Variants in PRICKLE2 observed in about 807,000 individuals in gnomAD.
PRICKLE2 encodes prickle-like protein 2.
A neutral mutation model predicts 81.4 loss-of-function variants in PRICKLE2; 21 were observed. The observed-to-expected ratio is 0.26, with a 90% CI of 0.18 to 0.37. PRICKLE2 has a LOEUF of 0.37. Ranked by LOEUF, PRICKLE2 falls within the 10% of genes least tolerant of loss-of-function variation. The pLI is 1.00. For synonymous variants in PRICKLE2, 456 were observed against 421.5 expected (o/e 1.08, Z -1.00); for missense variants, 940 against 1,109.0 (o/e 0.85, Z 2.16).
intron 2 of PRICKLE2, among the ~76,000 whole-genome samples, chr3:64,244,658 C>CAGGG (rs2079319962): frequency 6.8e-6 from 1 of 147,568 alleles, no homozygotes; most frequent in Non-Finnish European, 1.5e-5. Context: ...GAGAACGAGA[C>CAGGG]AGGGAGAGAG....
chr3:64,147,443 C>A lies in PRICKLE2; in HGVS notation c.1047G>T (p.Glu349Asp), dbSNP rs776851070. ...GCTGGCTGTGCTGGTTCAGCATGGG[C>A]TCCTCCGTCTTGCCCTTGTTCTTGC... ...KIGKNKGKTE[E>D]PMLNQHSQLQ... The change falls in exon 7 of 8, where the codon GAG becomes GAT. Residue 349 changes from glutamate (E) to aspartate (D), a missense_variant. Physicochemically the swap from Glu to Asp is conservative, Grantham distance 45. Around this residue, in one of 2 missense-constraint regions of PRICKLE2, gnomAD observed 670 missense variants for 717.2 expected, o/e 0.93. Coordinates refer to ENST00000638394, the MANE Select transcript of PRICKLE2 (RefSeq NM_198859.4). The surrounding 1 kb of genome is among the most constrained non-coding windows in gnomAD (Gnocchi z 5.0). 6.2e-6 allele frequency: 10 copies of A among 1,614,130 alleles called. No individual in the cohort carries two copies. In the Admixed American group the frequency reaches 1.5e-4, roughly 24 times the overall value.
In PRICKLE2 at chr3:64,099,661, C is replaced by T. The variant is rs1164926335; in HGVS notation, c.1925G>A (p.Ser642Asn). The T allele has an allele frequency of 6.2e-7, 1 of 1,614,222 alleles. No individual in the cohort carries two copies. Among genetic ancestry groups the T allele is most frequent in the South Asian group, 1.1e-5 (1 of 91,090 alleles). ...DLQSHGRMHQSFDFDGGMAGS... is the reference protein window; with the variant it reads ...DLQSHGRMHQNFDFDGGMAGS... The stretch of plus-strand genomic sequence containing the variant: ...CGCCATCCCTCCATCAAAATCAAAG[C>T]TCTGATGCATCCTTCCGTGGGACTG... Residue 642 changes from serine (S) to asparagine (N), a missense_variant, in exon 8 of 8, where the codon AGC (serine) becomes AAC (asparagine). Around this residue, in one of 2 missense-constraint regions of PRICKLE2, gnomAD observed 670 missense variants for 717.2 expected, o/e 0.93. Transcript: ENST00000638394. This position sits in a 1 kb window ranked among gnomAD's most constrained non-coding sequence, Gnocchi z 4.3.
Position 64,188,420 on chromosome 3 carries a change from T to G in PRICKLE2, c.144+10364A>C, listed in dbSNP as rs61521692. 9.6e-3 allele frequency among the ~76,000 whole-genome samples: 1,461 copies of G among 152,322 alleles called. 24 individuals are homozygous for G. The highest frequency in any genetic ancestry group is 0.033 in the African/African-American group (1,374 of 41,572). On this transcript the variant is annotated intron_variant, in intron 2 of 7. Transcript: ENST00000638394. ...AGCTTTGTCATGCATGAGAAACACCTAAAAGCTTTGTTGAAACAGATTGTT... is the reference window on the plus strand; with the variant it reads ...AGCTTTGTCATGCATGAGAAACACCGAAAAGCTTTGTTGAAACAGATTGTT...
At chr3:64,159,519 T>C (rs528235591) in intron 4 of PRICKLE2, among the ~76,000 whole-genome samples, 3 of 152,310 alleles carry the variant, frequency 2.0e-5, no homozygotes, top group South Asian at 2.1e-4. Flanking sequence ...CTGTTGAACA[T>C]AATAGACACC....
intron 2 of PRICKLE2, among the ~76,000 whole-genome samples, chr3:64,178,419 C>A (rs567966366): frequency 2.6e-5 from 4 of 152,208 alleles, no homozygotes; most frequent in South Asian, 4.1e-4. Flanking sequence ...ATGGTTGGAG[C>A]TGAACACTGG....
intron 1 of PRICKLE2, among the ~76,000 whole-genome samples, chr3:64,209,651 T>C (rs796256826): frequency 4.6e-5 from 7 of 152,142 alleles, no homozygotes; most frequent in South Asian, 4.1e-4. Flanking sequence ...CCCACCAACA[T>C]TGACTGAGCA....
chr3:64,127,465 C>T (rs1397203027), intron 7 of PRICKLE2, among the ~76,000 whole-genome samples: 1 of 152,160 alleles, frequency 6.6e-6, no homozygotes, highest in East Asian at 1.9e-4. Context: ...GGCAATTTTA[C>T]ATATCCAACC....
chr3:64,229,832 G>A (rs1443724969), upstream of PRICKLE2, among the ~76,000 whole-genome samples: 1 of 152,218 alleles, frequency 6.6e-6, no homozygotes, highest in African/African-American at 2.4e-5. Context: ...GTAAATGTGG[G>A]AGAGGAAGCT....
At chr3:64,192,104 C>T (rs536423966) in intron 2 of PRICKLE2, among the ~76,000 whole-genome samples, 33 of 152,278 alleles carry the variant, frequency 2.2e-4, no homozygotes, top group African/African-American at 7.7e-4. Context: ...TAGGAGCAGC[C>T]GAGGGAACAG....
At chr3:64,232,646 C>T (rs772663608) in intron 2 of PRICKLE2, among the ~76,000 whole-genome samples, 26 of 152,174 alleles carry the variant, frequency 1.7e-4, no homozygotes, top group Non-Finnish European at 3.1e-4. Context: ...TCTACATTTG[C>T]TTCTCTGGTC....
intron 2 of PRICKLE2, among the ~76,000 whole-genome samples, chr3:64,245,661 T>TG (rs890939740): frequency 1.2e-4 from 19 of 152,198 alleles, no homozygotes; most frequent in African/African-American, 4.1e-4. Flanking sequence ...CAGAGAGGCA[T>TG]GGGGGAGGAT....
Position 64,208,792 on chromosome 3 carries a change from A to G in PRICKLE2, c.-40-9825T>C, listed in dbSNP as rs549118053. ...AATTTAGCTGATAAACTCATAAGTG[A>G]CTTGACTGAAGTTAAGGACCTATGT... On this transcript the variant is annotated intron_variant, in intron 1 of 7. Coordinates refer to ENST00000638394, the MANE Select transcript of PRICKLE2 (RefSeq NM_198859.4). 7.9e-5 allele frequency among the ~76,000 whole-genome samples: 12 copies of G among 152,360 alleles called. 1 individual carries two copies. In the South Asian group the frequency reaches 2.5e-3, roughly 32 times the overall value.
chr3:64,267,561 G>C (rs2079729981), intron 2 of PRICKLE2, among the ~76,000 whole-genome samples: 1 of 152,154 alleles, frequency 6.6e-6, no homozygotes, highest in Non-Finnish European at 1.5e-5. Flanking sequence ...TGAATTCTAA[G>C]AGAATAAAGG....
chr3:64,226,381 C>T (rs144038561), upstream of PRICKLE2, among the ~76,000 whole-genome samples: 347 of 152,280 alleles, frequency 2.3e-3, 2 homozygotes, highest in African/African-American at 8.0e-3. Flanking sequence ...TGTTCAAATC[C>T]TGCCTTTCCT....
At position 64,097,407 on chromosome 3, in the gene PRICKLE2, G is replaced by A. The variant is rs901801750; in HGVS notation, c.*1644C>T. 1.3e-5 allele frequency: 2 copies of A among 152,470 alleles called. No individual in the cohort carries two copies. Among genetic ancestry groups the A allele is most frequent in the South Asian group, 2.1e-4 (1 of 4,824 alleles). The allele number at this position is 152,470 out of a possible 1,614,324, so 9.4% of individuals were successfully genotyped here. ...TGGCAGATGGCCACTGAGATACACC[G>A]GGCACTACATCGACAGTACATCTCA... On this transcript the variant is annotated 3_prime_UTR_variant, in exon 8 of 8. Coordinates refer to ENST00000638394, the MANE Select transcript of PRICKLE2 (RefSeq NM_198859.4).
chr3:64,187,499 C>T (rs556621384), intron 2 of PRICKLE2: 123 of 152,280 alleles, frequency 8.1e-4, no homozygotes, highest in African/African-American at 2.7e-3. Flanking sequence ...GAATTTAATC[C>T]AATTCAGTTG....
At chr3:64,142,837 A>G (rs2077384738) in intron 7 of PRICKLE2, among the ~76,000 whole-genome samples, 1 of 152,206 alleles carries the variant, frequency 6.6e-6, no homozygotes, top group East Asian at 1.9e-4. Flanking sequence ...AAGCTATACA[A>G]AGGAAGTACT....
intron 2 of PRICKLE2, among the ~76,000 whole-genome samples, chr3:64,183,364 A>T (rs887298673): frequency 6.6e-6 from 1 of 152,172 alleles, no homozygotes; most frequent in Non-Finnish European, 1.5e-5. Flanking sequence ...AAGTTATTTT[A>T]TGTTCAAATA....
At chr3:64,110,551 T>C (rs2076826883) in intron 7 of PRICKLE2, among the ~76,000 whole-genome samples, 2 of 152,174 alleles carry the variant, frequency 1.3e-5, no homozygotes, top group African/African-American at 2.4e-5. Flanking sequence ...GGGGATGCTA[T>C]GGCAGAGAAT....
Sources: allele counts gnomAD v4.1 joint callset (sites outside exome capture counted in the v4.1 genomes callset), GRCh38; gene constraint gnomAD v4.1.1; regional missense constraint gnomAD v4.1.1; non-coding constraint Gnocchi (gnomAD v3.1); transcripts MANE v1.5; gene names NCBI Gene and HGNC (gene_info 2026-07-23, HGNC 2026-07-21).